KIF16B: variants seen among roughly 807,000 people sequenced by gnomAD.
The protein encoded by KIF16B is kinesin-like protein KIF16B.
Under a neutral mutation model 156.3 loss-of-function variants are expected in KIF16B, and 98 were observed. That is an observed-to-expected ratio of 0.63 (90% CI 0.53 to 0.74). The LOEUF is 0.74. KIF16B is among the 30% of genes least tolerant of loss of function. KIF16B has a pLI of 0.00. For missense variants in KIF16B, 1,421 were observed against 1,606.5 expected (o/e 0.88, Z 1.97); for synonymous variants, 564 against 583.7 (o/e 0.97, Z 0.49).
At chr20:16,473,307 T>TG (rs1338286731) in intron 12 of KIF16B, among the ~76,000 whole-genome samples, 1 of 152,172 alleles carries the variant, frequency 6.6e-6, no homozygotes, top group Non-Finnish European at 1.5e-5. Flanking sequence ...TTTTGCTTAA[T>TG]GTGATGTTTC....
intron 3 of KIF16B, among the ~76,000 whole-genome samples, chr20:16,523,263 A>G (rs1325543036): frequency 2.0e-5 from 3 of 152,212 alleles, no homozygotes; most frequent in African/African-American, 4.8e-5. Flanking sequence ...TTCACATGAC[A>G]TGATTGTATA....
rs374353282 is a variant in KIF16B at position 16,404,858 on chromosome 20, G to A, written c.1739C>T (p.Ser580Leu). The A allele has an allele frequency of 5.6e-6, 9 of 1,613,528 alleles. No individual in the cohort carries two copies. The highest frequency in any genetic ancestry group is 1.7e-5 in the Admixed American group (1 of 59,948). ...SSFSLSMTDLSKSRENLSAVM... is the reference protein window; with the variant it reads ...SSFSLSMTDLLKSRENLSAVM... ...TGCAGACAGGTTCTCACGGGACTTC[G>A]AGAGGTCGGTCATGGACAAGCTGAA... The change falls in exon 17 of 26, where the codon TCG (serine) becomes TTG (leucine). Residue 580 changes from serine (S) to leucine (L), a missense_variant. Physicochemically the swap from Ser to Leu is moderately radical, Grantham distance 145 (BLOSUM62 -2). Coordinates refer to ENST00000354981, the MANE Select transcript of KIF16B (RefSeq NM_024704.5).
At chr20:16,556,729 C>T (rs2070864211) in intron 1 of KIF16B, among the ~76,000 whole-genome samples, 1 of 152,198 alleles carries the variant, frequency 6.6e-6, no homozygotes, top group African/African-American at 2.4e-5. Context: ...GACACACAGC[C>T]TCTGCACTGG....
intron 6 of KIF16B, among the ~76,000 whole-genome samples, chr20:16,510,237 AT>A (rs2068914451): frequency 6.6e-6 from 1 of 152,248 alleles, no homozygotes; most frequent in Non-Finnish European, 1.5e-5. Context: ...ACATGAAGGC[AT>A]GAGTTAGGCT....
At chr20:16,507,099 C>CG (rs11087172) in intron 7 of KIF16B, among the ~76,000 whole-genome samples, 34,256 of 124,476 alleles carry the variant, frequency 0.28, 4,623 homozygotes, top group East Asian at 0.4. Flanking sequence ...AATCATGTCT[C>CG]AAAAAAAAAA....
chr20:16,493,899 T>A (rs1485542226), intron 12 of KIF16B, among the ~76,000 whole-genome samples: 2 of 152,210 alleles, frequency 1.3e-5, no homozygotes, highest in Non-Finnish European at 2.9e-5. Context: ...TTCTATAATA[T>A]TGCCACGGGA....
intron 12 of KIF16B, among the ~76,000 whole-genome samples, chr20:16,432,930 T>A (rs1304267282): frequency 6.6e-6 from 1 of 152,186 alleles, no homozygotes; most frequent in Non-Finnish European, 1.5e-5. Flanking sequence ...TCCCATTCCA[T>A]GGCTCAGAAC....
chr20:16,512,902 G>A lies in KIF16B; in HGVS notation c.370C>T (p.Arg124Trp), dbSNP rs1600588842. 5 of 1,612,286 alleles carry A rather than the reference G, an allele frequency of 3.1e-6. 1 individual carries two copies. The highest frequency in any genetic ancestry group is 3.3e-4 in the Middle Eastern group (2 of 6,082). The change falls in exon 5 of 26, where the codon CGG (arginine) becomes TGG (tryptophan). Residue 124 changes from arginine to tryptophan, a missense_variant. Physicochemically the swap from Arg to Trp is moderately radical, Grantham distance 101. Coordinates refer to ENST00000354981, the MANE Select transcript of KIF16B (RefSeq NM_024704.5). ...CGACTGAAGAGTCCTTCACAGATCC[G>A]AGGTATTAAGCCAGAATCTCCCTGC... ...GNSGDSGLIP[R>W]ICEGLFSRIN...
At chr20:16,531,920 T>C (rs1043169110) in intron 1 of KIF16B, among the ~76,000 whole-genome samples, 2 of 151,862 alleles carry the variant, frequency 1.3e-5, no homozygotes, top group African/African-American at 4.8e-5. Flanking sequence ...AGACAAAAAA[T>C]AGCCGGGTGT....
In KIF16B at chr20:16,341,484, T is replaced by C. The variant is rs140778378; in HGVS notation, c.3622-5469A>G. ...GGAACCATTAACCCTGTGTATATAA[T>C]ACGGTCTCAAAAATGATGAACAATG... On this transcript the variant is annotated intron_variant, in intron 23 of 25. Transcript: ENST00000354981. Among the ~76,000 whole-genome samples, 21 of 152,314 alleles carry C rather than the reference T, an allele frequency of 1.4e-4. No individual in the cohort carries two copies. In the East Asian group the frequency reaches 3.1e-3, roughly 22 times the overall value.
intron 10 of KIF16B, among the ~76,000 whole-genome samples, chr20:16,498,693 T>C (rs2068524847): frequency 6.6e-6 from 1 of 152,024 alleles, no homozygotes; most frequent in South Asian, 2.1e-4. Flanking sequence ...AAATGTGGTA[T>C]TCTTAATCTT....
chr20:16,369,122 G>T (rs1470855011), intron 22 of KIF16B: 2 of 985,654 alleles, frequency 2.0e-6, no homozygotes, highest in African/African-American at 1.7e-5. Flanking sequence ...GTTGTTTTAG[G>T]GCCTGAGACG....
chr20:16,370,342 T>C (rs894441745), intron 22 of KIF16B, among the ~76,000 whole-genome samples: 6 of 152,186 alleles, frequency 3.9e-5, no homozygotes, highest in African/African-American at 1.2e-4. Flanking sequence ...AATATACTAT[T>C]ACAAATGAAA....
chr20:16,467,069 T>C (rs961634385), intron 12 of KIF16B, among the ~76,000 whole-genome samples: 15 of 152,196 alleles, frequency 9.9e-5, no homozygotes, highest in African/African-American at 7.2e-5. Flanking sequence ...AGGTTTGCCC[T>C]TGGGACAAAA....
At chr20:16,538,370 G>T (rs886086234) in intron 1 of KIF16B, among the ~76,000 whole-genome samples, 1 of 152,132 alleles carries the variant, frequency 6.6e-6, no homozygotes, top group African/African-American at 2.4e-5. Flanking sequence ...TTATATTGTA[G>T]AAAATAAATA....
At chr20:16,391,363 A>C (rs2065360471) in intron 17 of KIF16B, among the ~76,000 whole-genome samples, 1 of 152,082 alleles carries the variant, frequency 6.6e-6, no homozygotes, top group Non-Finnish European at 1.5e-5. Context: ...CTGGTGGTTC[A>C]CTCGCCCATA....
At chr20:16,324,160 C>T (rs1022463878) in intron 24 of KIF16B, among the ~76,000 whole-genome samples, 3 of 152,010 alleles carry the variant, frequency 2.0e-5, no homozygotes, top group African/African-American at 4.8e-5. Context: ...GTTGCAGAGA[C>T]AGACATGACA....
chr20:16,313,322 C>T (rs1392975703), intron 24 of KIF16B, among the ~76,000 whole-genome samples: 2 of 152,138 alleles, frequency 1.3e-5, no homozygotes, highest in African/African-American at 2.4e-5. Flanking sequence ...CACAAAATTC[C>T]AATTTTATGC....
chr20:16,291,439 A>T (rs2063313736), intron 25 of KIF16B, among the ~76,000 whole-genome samples: 2 of 152,226 alleles, frequency 1.3e-5, no homozygotes, highest in African/African-American at 2.4e-5. Context: ...TAAACACCAA[A>T]TGAGCCTGAA....
Sources: allele counts gnomAD v4.1 joint callset (sites outside exome capture counted in the v4.1 genomes callset), GRCh38; gene constraint gnomAD v4.1.1; transcripts MANE v1.5; gene names NCBI Gene and HGNC (gene_info 2026-07-23, HGNC 2026-07-21).